Variants in PDPN observed in about 807,000 individuals in gnomAD.
The protein encoded by PDPN is podoplanin, also known as PA2.26 antigen.
PDPN carries 12 observed loss-of-function variants against 23.2 expected under a neutral mutation model. The ratio of observed to expected loss-of-function variants is 0.52; its 90% CI spans 0.33 to 0.84. The LOEUF (loss-of-function observed/expected upper bound fraction) is 0.84, where lower values mean the gene tolerates loss of function less well. PDPN is among the 40% of genes least tolerant of loss of function. The pLI is 0.02. For missense variants in PDPN, 199 were observed against 212.2 expected (o/e 0.94, Z 0.39); for synonymous variants, 77 against 76.7 (o/e 1.00, Z -0.02).
intron 1 of PDPN, among the ~76,000 whole-genome samples, chr1:13,592,134 C>A (rs2990672): frequency 1.3e-5 from 2 of 152,020 alleles, no homozygotes; most frequent in East Asian, 1.9e-4. Flanking sequence ...TGTTTAAATC[C>A]TTTGCTCACT....
intron 1 of PDPN, among the ~76,000 whole-genome samples, chr1:13,602,098 G>T (rs960516155): frequency 6.6e-6 from 1 of 151,512 alleles, no homozygotes; most frequent in Non-Finnish European, 1.5e-5. Flanking sequence ...AGGCCGAGGC[G>T]GGTGGATCAC....
Position 13,607,307 on chromosome 1 carries a change from G to T in PDPN, c.201+1G>T, listed in dbSNP as rs1005351798. On this transcript the variant is annotated splice_donor_variant, in intron 2 of 5. Coordinates refer to ENST00000621990, the MANE Select transcript of PDPN (RefSeq NM_006474.5). LOFTEE classifies it high-confidence loss of function. The stretch of plus-strand genomic sequence containing the variant: ...CTATAAGTCTGGCTTGACAACTCTG[G>T]TCAGTGTCCTGGGAAGAGAGGAATT... The T allele has an allele frequency of 5.0e-6, 8 of 1,613,748 alleles. No individual in the cohort carries two copies. Among genetic ancestry groups the T allele is most frequent in the Non-Finnish European group, 6.8e-6 (8 of 1,179,800 alleles).
chr1:13,597,025 A>G (rs1370080221), intron 1 of PDPN, among the ~76,000 whole-genome samples: 1 of 152,168 alleles, frequency 6.6e-6, no homozygotes, highest in Non-Finnish European at 1.5e-5. Flanking sequence ...GACGTGATAG[A>G]AAAATAATAT....
intron 1 of PDPN, among the ~76,000 whole-genome samples, chr1:13,602,158 C>G (rs1366272069): frequency 1.3e-5 from 2 of 152,100 alleles, no homozygotes; most frequent in African/African-American, 4.8e-5. Flanking sequence ...AACCCTGTCT[C>G]TACTAAAAAA....
intron 1 of PDPN, among the ~76,000 whole-genome samples, chr1:13,587,301 C>T (rs1640205862): frequency 1.3e-5 from 2 of 152,162 alleles, no homozygotes; most frequent in South Asian, 2.1e-4. Context: ...AGAATTTGAA[C>T]TGTATGCACT....
intron 1 of PDPN, among the ~76,000 whole-genome samples, chr1:13,585,073 A>T (rs1243271006): frequency 1.3e-5 from 2 of 152,232 alleles, no homozygotes; most frequent in Admixed American, 1.3e-4. Flanking sequence ...AATGCCTGGC[A>T]CATAGTAGTT....
chr1:13,588,445 C>T (rs1640238838), intron 1 of PDPN, among the ~76,000 whole-genome samples: 1 of 151,830 alleles, frequency 6.6e-6, no homozygotes, highest in Non-Finnish European at 1.5e-5. Context: ...AGCTGTGATA[C>T]AGCGAATATT....
intron 1 of PDPN, among the ~76,000 whole-genome samples, chr1:13,603,099 TAGAA>T (rs1050288434): frequency 2.6e-5 from 4 of 151,508 alleles, no homozygotes; most frequent in Admixed American, 1.3e-4. Context: ...CAGAGAGAGA[TAGAA>T]AGAAAGAAAT....
chr1:13,587,726 A>T (rs1640216551), intron 1 of PDPN, among the ~76,000 whole-genome samples: 1 of 152,160 alleles, frequency 6.6e-6, no homozygotes. Flanking sequence ...TGGGCAAGAG[A>T]TACAGCTCCG....
chr1:13,615,309 A>G (rs1177083636), intron 5 of PDPN, among the ~76,000 whole-genome samples: 1 of 144,840 alleles, frequency 6.9e-6, no homozygotes, highest in Non-Finnish European at 1.5e-5. Context: ...TTTTTTTTTG[A>G]GACAGTCTTG....
In PDPN at chr1:13,584,093, A is replaced by C; in HGVS notation, c.60A>C (p.Ala20=). 1 of 1,613,008 alleles carries C rather than the reference A, an allele frequency of 6.2e-7. No individual in the cohort carries two copies. Among genetic ancestry groups the C allele is most frequent in the Non-Finnish European group, 8.5e-7 (1 of 1,179,982 alleles). The change falls in exon 1 of 6, where the codon GCA becomes GCC. Residue 20 remains alanine, a synonymous_variant. Transcript: ENST00000621990. ...VLGSASLWVL[A]EGASTGQPED... ...GAAGCGCGTCGCTCTGGGTCCTGGC[A>C]GAAGGAGGTAAGACCCAGCGCAAGT...
intron 4 of PDPN, 145 bp downstream of exon 4, chr1:13,613,870 CTTTTT>C (rs34784418): frequency 8.8e-4 from 192 of 217,994 alleles, no homozygotes; most frequent in Non-Finnish European, 1.1e-3. Context: ...AGATTTCAAG[CTTTTT>C]TTTTTTTTTT....
Position 13,595,600 on chromosome 1 carries a change from A to G in PDPN, c.67+11500A>G, listed in dbSNP as rs115788745. Reference sequence around the variant, plus strand: ...CTAGTGACACGTGTCTGATCTCCTCAGCTTTGACATGTTTCTCTTACATTT... The same window carrying G: ...CTAGTGACACGTGTCTGATCTCCTCGGCTTTGACATGTTTCTCTTACATTT... On this transcript the variant is annotated intron_variant, in intron 1 of 5. Transcript: ENST00000621990. 9.1e-3 allele frequency among the ~76,000 whole-genome samples: 1,391 copies of G among 152,310 alleles called. 22 individuals carry two copies. The highest frequency in any genetic ancestry group is 0.031 in the African/African-American group (1,299 of 41,564).
intron 1 of PDPN, among the ~76,000 whole-genome samples, chr1:13,586,872 TG>T (rs1380294449): frequency 6.7e-6 from 1 of 150,032 alleles, no homozygotes. Flanking sequence ...GCCAATATGG[TG>T]AAACCCCGTC....
rs1424074190 is a variant in PDPN at position 13,596,144 on chromosome 1, A to C, written c.68-11029A>C. ...AACCCAGGAGGCGGAGGTTGCAATG[A>C]GCCAAGATTGCACCACTGCACTCTA... is the stretch of plus-strand genomic sequence containing the variant. On this transcript the variant is annotated intron_variant, in intron 1 of 5. Coordinates refer to ENST00000621990, the MANE Select transcript of PDPN (RefSeq NM_006474.5). 4.0e-5 allele frequency among the ~76,000 whole-genome samples: 6 copies of C among 150,698 alleles called. No homozygotes were observed. The South Asian group carries it at 1.3e-3, about 32-fold the overall frequency.
intron 1 of PDPN, among the ~76,000 whole-genome samples, chr1:13,589,104 G>A (rs893882336): frequency 3.3e-5 from 5 of 150,460 alleles, no homozygotes; most frequent in South Asian, 2.1e-4. Context: ...GTCATATGTG[G>A]TGACTGGGGA....
At chr1:13,611,781 A>G (rs1640941687) in intron 3 of PDPN, among the ~76,000 whole-genome samples, 1 of 152,184 alleles carries the variant, frequency 6.6e-6, no homozygotes, top group South Asian at 2.1e-4. Flanking sequence ...GGAACCTTAT[A>G]AAGGGCTTTG....
At chr1:13,615,817 G>T in intron 5 of PDPN, 88 bp from the exon 6 acceptor site, 1 of 1,208,984 alleles carries the variant, frequency 8.3e-7, no homozygotes. Context: ...AAGATTTAGA[G>T]CAAAGGACAA....
Position 13,614,341 on chromosome 1 carries a change from G to A in PDPN, c.412G>A (p.Val138Ile). Residue 138 changes from valine (V) to isoleucine (I), a missense_variant, in exon 5 of 6, where the codon GTC becomes ATC. By Grantham distance (29) the Val-to-Ile change is conservative (BLOSUM62 3). Coordinates refer to ENST00000621990, the MANE Select transcript of PDPN (RefSeq NM_006474.5). ...TVTLVGIIVG[V>I]LLAIGFIGAI... The stretch of plus-strand genomic sequence containing the variant: ...GACCCTGGTTGGAATCATAGTTGGG[G>A]TCTTACTAGCCATCGGCTTCATTGG... 1.2e-6 allele frequency: 2 copies of A among 1,609,676 alleles called. No individual in the cohort carries two copies. Among genetic ancestry groups the A allele is most frequent in the Non-Finnish European group, 1.7e-6 (2 of 1,175,992 alleles).
Sources: gnomAD v4.1 joint callset for allele counts (sites outside exome capture counted in the v4.1 genomes callset) on GRCh38, gnomAD v4.1.1 for gene constraint, MANE v1.5 for transcripts, NCBI Gene and HGNC (gene_info 2026-07-23, HGNC 2026-07-21) for gene names.